LRP1B: variants seen among roughly 807,000 people sequenced by gnomAD.
The protein encoded by LRP1B is LDL receptor related protein 1B, also known as low-density lipoprotein receptor-related protein 1B.
LRP1B carries 217 observed loss-of-function variants against 556.6 expected under a neutral mutation model. The observed-to-expected ratio is 0.39, with a 90% CI of 0.35 to 0.44. The LOEUF (loss-of-function observed/expected upper bound fraction) is 0.44, where lower values mean the gene tolerates loss of function less well. Among genes scored for constraint, LRP1B ranks in the 20% least tolerant of loss-of-function variants. The pLI, the probability that LRP1B is intolerant of heterozygous loss-of-function variation, is 1.00. For synonymous variants in LRP1B, 2,047 were observed against 1,865.8 expected (o/e 1.10, Z -2.50); for missense variants, 5,053 against 5,620.8 (o/e 0.90, Z 3.23).
At chr2:140,848,745 A>T (rs982907441) in intron 29 of LRP1B, among the ~76,000 whole-genome samples, 1 of 152,216 alleles carries the variant, frequency 6.6e-6, no homozygotes, top group South Asian at 2.1e-4. Flanking sequence ...GCAAATAGTA[A>T]GTGCTCAATA....
chr2:141,687,769 G>A (rs562392938), intron 2 of LRP1B, among the ~76,000 whole-genome samples: 269 of 151,996 alleles, frequency 1.8e-3, no homozygotes, highest in Non-Finnish European at 1.6e-3. Context: ...AAGATAGTCT[G>A]AAATAATCAA....
At chr2:140,445,982 A>G (rs1686642527) in intron 63 of LRP1B, among the ~76,000 whole-genome samples, 1 of 152,180 alleles carries the variant, frequency 6.6e-6, no homozygotes, top group African/African-American at 2.4e-5. Context: ...ATGCTTTTAT[A>G]ATTACAATAT....
chr2:140,821,865 G>A (rs1056977484), intron 31 of LRP1B, among the ~76,000 whole-genome samples: 15 of 151,844 alleles, frequency 9.9e-5, no homozygotes, highest in African/African-American at 2.4e-4. Flanking sequence ...AAACCCCATC[G>A]CTACAAAAAA....
chr2:140,702,239 G>A lies in LRP1B; in HGVS notation c.6204C>T (p.Asp2068=), dbSNP rs750317527. 3 of 1,613,748 alleles carry A rather than the reference G, an allele frequency of 1.9e-6. No individual in the cohort carries two copies. Among genetic ancestry groups the A allele is most frequent in the Non-Finnish European group, 2.5e-6 (3 of 1,179,782 alleles). ...TCTCGCGATTCCCTCCAGTCTCAAG[G>A]TCGATTCTCTCTATCTTGTCTGTGC... is the stretch of plus-strand genomic sequence containing the variant. ...DARTDKIERI[D]LETGGNREMV... The change falls in exon 39 of 91, where the codon GAC becomes GAT. Residue 2068 remains aspartate, a synonymous_variant. Transcript: ENST00000389484.
rs139526264 is a variant in LRP1B at position 140,609,079 on chromosome 2, G to A, written c.6800-7440C>T. Among the ~76,000 whole-genome samples the A allele has an allele frequency of 4.7e-3, 711 of 152,220 alleles. 5 individuals carry two copies. Among genetic ancestry groups the A allele is most frequent in the African/African-American group, 0.016 (676 of 41,524 alleles). On this transcript the variant is annotated intron_variant, in intron 41 of 90. Transcript: ENST00000389484. ...TCTGTAGTCACCGGAGATAAGCACC[G>A]ACTTTCTGAAGATTAAACTAACATT... is the stretch of plus-strand genomic sequence containing the variant.
intron 71 of LRP1B, among the ~76,000 whole-genome samples, chr2:140,365,876 C>T (rs1369188257): frequency 6.6e-6 from 1 of 151,618 alleles, no homozygotes; most frequent in African/African-American, 2.4e-5. Context: ...TGACAGTGGT[C>T]ATCCTTAAAA....
chr2:141,639,137 A>C (rs994808216), intron 2 of LRP1B, among the ~76,000 whole-genome samples: 1 of 134,196 alleles, frequency 7.5e-6, no homozygotes, highest in African/African-American at 2.7e-5. Context: ...CGAGGCCACA[A>C]AAAAAAGTTA....
At chr2:140,952,086 T>C in intron 18 of LRP1B, 146 bp from the exon 19 acceptor site, 1 of 627,482 alleles carries the variant, frequency 1.6e-6, no homozygotes, top group Non-Finnish European at 2.8e-6. Flanking sequence ...ATACAGTGAC[T>C]ATAACTTCTT....
intron 31 of LRP1B, among the ~76,000 whole-genome samples, chr2:140,830,036 C>T (rs1033383251): frequency 5.3e-5 from 8 of 151,834 alleles, no homozygotes; most frequent in African/African-American, 1.4e-4. Context: ...TGAATACATA[C>T]AACCTACAAA....
intron 53 of LRP1B, among the ~76,000 whole-genome samples, chr2:140,504,237 A>G (rs1021770582): frequency 5.3e-5 from 8 of 152,124 alleles, no homozygotes; most frequent in African/African-American, 1.7e-4. Flanking sequence ...TAAGTGTCAA[A>G]TTCTGGATCT....
intron 1 of LRP1B, among the ~76,000 whole-genome samples, chr2:142,124,124 T>C (rs1707556918): frequency 6.6e-6 from 1 of 151,914 alleles, no homozygotes; most frequent in Non-Finnish European, 1.5e-5. Context: ...GTTGATCATA[T>C]TATCTTACCA....
chr2:141,446,333 A>C (rs564001059), intron 3 of LRP1B, among the ~76,000 whole-genome samples: 61 of 152,130 alleles, frequency 4.0e-4, no homozygotes, highest in Non-Finnish European at 6.5e-4. Context: ...CTCTGAATAC[A>C]GTCCATCGAT....
chr2:141,086,189 G>A (rs139376410), intron 7 of LRP1B, among the ~76,000 whole-genome samples: 2 of 152,172 alleles, frequency 1.3e-5, no homozygotes, highest in Admixed American at 6.5e-5. Flanking sequence ...CTATATGAAC[G>A]TTCTCTATTT....
intron 41 of LRP1B, among the ~76,000 whole-genome samples, chr2:140,696,832 C>T (rs1686445825): frequency 6.6e-6 from 1 of 152,150 alleles, no homozygotes; most frequent in African/African-American, 2.4e-5. Context: ...AAAAAATTAT[C>T]TTCCATCAAA....
intron 7 of LRP1B, among the ~76,000 whole-genome samples, chr2:141,122,191 G>A (rs1051009207): frequency 2.6e-5 from 4 of 152,058 alleles, no homozygotes; most frequent in African/African-American, 9.7e-5. Flanking sequence ...ATAGGCATGG[G>A]CAAGGACTTC....
rs775201182 is a variant in LRP1B, at chr2:140,501,716, C to T, written c.8821G>A (p.Asp2941Asn). 34 of 1,611,842 alleles carry T rather than the reference C, an allele frequency of 2.1e-5. No homozygotes were observed. The highest frequency in any genetic ancestry group is 2.8e-5 in the Non-Finnish European group (33 of 1,178,724). ...TAACTGACCGGAAGGTCTTGACAGTCTTGAGAACATCCACTGACTTTCTTA... is the reference window on the plus strand; with the variant it reads ...TAACTGACCGGAAGGTCTTGACAGTTTTGAGAACATCCACTGACTTTCTTA... Reference protein sequence around the residue: ...LSKKVSGCSQDCQDLPVSYKC... With the variant: ...LSKKVSGCSQNCQDLPVSYKC... Residue 2941 changes from aspartate (D) to asparagine (N), a missense_variant, in exon 55 of 91, where the codon GAC (aspartate) becomes AAC (asparagine). Asp to Asn is a conservative substitution (Grantham distance 23). Transcript: ENST00000389484.
In LRP1B at chr2:140,513,939, T is replaced by C. The variant is rs536750462; in HGVS notation, c.8269+714A>G. Among the ~76,000 whole-genome samples, 6 of 152,074 alleles carry C rather than the reference T, an allele frequency of 3.9e-5. No homozygotes were observed. In the East Asian group the frequency reaches 1.2e-3, roughly 29 times the overall value. The stretch of plus-strand genomic sequence containing the variant: ...GACAACCAATAGACATCTATAAAAA[T>C]AGTGAAATTCTTGGCCGGTAAGAAC... On this transcript the variant is annotated intron_variant, in intron 51 of 90. Coordinates refer to ENST00000389484, the MANE Select transcript of LRP1B (RefSeq NM_018557.3).
At chr2:141,107,612 C>T in intron 7 of LRP1B, among the ~76,000 whole-genome samples, 1 of 151,972 alleles carries the variant, frequency 6.6e-6, no homozygotes, top group Non-Finnish European at 1.5e-5. Context: ...CGCCACTGCA[C>T]TCCAGCCTGG....
At chr2:140,909,701 T>C (rs1444755998) in intron 21 of LRP1B, among the ~76,000 whole-genome samples, 1 of 150,884 alleles carries the variant, frequency 6.6e-6, no homozygotes, top group African/African-American at 2.4e-5. Context: ...GAAAAGAGTG[T>C]CATTACACGT....
Sources: gnomAD v4.1 joint callset for allele counts (sites outside exome capture counted in the v4.1 genomes callset) on GRCh38, gnomAD v4.1.1 for gene constraint, MANE v1.5 for transcripts, NCBI Gene and HGNC (gene_info 2026-07-23, HGNC 2026-07-21) for gene names.